WDR27: variants seen among roughly 807,000 people sequenced by gnomAD.
WDR27 encodes WD repeat domain 27.
In WDR27, 100 loss-of-function variants were observed where a neutral mutation model predicts 114.4. That is an observed-to-expected ratio of 0.87 (90% CI 0.74 to 1.03). The LOEUF is 1.03. Among genes scored for constraint, WDR27 ranks in the 50% least tolerant of loss-of-function variants. The probability of loss-of-function intolerance (pLI) is 0.00; values close to 1 mark genes in which losing one functional copy is unlikely to be tolerated. For missense variants in WDR27, 1,129 were observed against 1,092.9 expected, an observed-to-expected ratio of 1.03 and a Z score of -0.47; for synonymous variants, 449 against 423.1, an observed-to-expected ratio of 1.06 and a Z score of -0.75.
chr6:169,428,719 G>A, the WDR27 span, among the ~76,000 whole-genome samples: 1 of 152,182 alleles, frequency 6.6e-6, no homozygotes, highest in African/African-American at 2.4e-5. Context: ...TGTGCGGGGA[G>A]GGCCCGCCCT....
chr6:169,449,718 G>C, the WDR27 span, among the ~76,000 whole-genome samples: 18 of 152,222 alleles, frequency 1.2e-4, no homozygotes, highest in Non-Finnish European at 2.6e-4. Context: ...CCGGCAGGAG[G>C]AGCAAGGTCC....
At chr6:169,690,938 G>A (rs536286603) in intron 1 of WDR27, among the ~76,000 whole-genome samples, 18 of 152,290 alleles carry the variant, frequency 1.2e-4, no homozygotes, top group African/African-American at 2.2e-4. Flanking sequence ...AAAAGAGGCC[G>A]GGCACGGTCG....
At chr6:169,539,192 A>T (rs1584068285) in intron 25 of WDR27, among the ~76,000 whole-genome samples, 1 of 152,134 alleles carries the variant, frequency 6.6e-6, no homozygotes, top group South Asian at 2.1e-4. Flanking sequence ...TGGTCTTCTG[A>T]CAGCCTCACC....
chr6:169,598,679 T>C (rs1807318652), intron 23 of WDR27, among the ~76,000 whole-genome samples: 1 of 152,160 alleles, frequency 6.6e-6, no homozygotes, highest in African/African-American at 2.4e-5. Flanking sequence ...GAGGCCAGCA[T>C]GACGCAGCCA....
At chr6:169,549,238 A>G (rs1238806313) in intron 25 of WDR27, among the ~76,000 whole-genome samples, 1 of 152,256 alleles carries the variant, frequency 6.6e-6, no homozygotes, top group African/African-American at 2.4e-5. Context: ...TGCCTCACCA[A>G]AGAGGGACAT....
chr6:169,510,628 T>C (rs1235895467), intron 25 of WDR27, among the ~76,000 whole-genome samples: 1 of 101,716 alleles, frequency 9.8e-6, no homozygotes, highest in Non-Finnish European at 1.9e-5. Context: ...CTGGGGACTG[T>C]TGTGGGGTGG....
intron 2 of WDR27, among the ~76,000 whole-genome samples, chr6:169,688,454 C>G (rs1292427602): frequency 6.6e-6 from 1 of 151,964 alleles, no homozygotes; most frequent in Non-Finnish European, 1.5e-5. Context: ...ACAACATGCA[C>G]TTATTATGTG....
At chr6:169,613,754 T>C (rs1286517613) in intron 21 of WDR27, 98 bp from the exon 22 acceptor site, 2 of 1,094,646 alleles carry the variant, frequency 1.8e-6, no homozygotes, top group East Asian at 2.6e-5. Flanking sequence ...TCAAGTAAGA[T>C]ATTAACACAA....
intron 2 of WDR27, among the ~76,000 whole-genome samples, chr6:169,686,866 T>C (rs549672836): frequency 6.6e-6 from 1 of 152,184 alleles, no homozygotes; most frequent in Non-Finnish European, 1.5e-5. Context: ...GAGGTCATTA[T>C]GTTAAATGAA....
At chr6:169,516,737 T>C (rs1793696898) in intron 25 of WDR27, among the ~76,000 whole-genome samples, 1 of 144,590 alleles carries the variant, frequency 6.9e-6, no homozygotes, top group Non-Finnish European at 1.5e-5. Flanking sequence ...GAATAAATGA[T>C]GGGTAAGACA....
chr6:169,627,313 C>G (rs1424832976), intron 21 of WDR27, among the ~76,000 whole-genome samples: 1 of 152,184 alleles, frequency 6.6e-6, no homozygotes, highest in Non-Finnish European at 1.5e-5. Context: ...CTTCCTATAT[C>G]TTCGTTCTCC....
At chr6:169,449,673 AAGGAT>A in the WDR27 span, among the ~76,000 whole-genome samples, 2 of 152,198 alleles carry the variant, frequency 1.3e-5, no homozygotes, top group Non-Finnish European at 2.9e-5. Flanking sequence ...TATGAGAAAG[AAGGAT>A]AGGAGAGGGA....
At chr6:169,504,176 CTG>C (rs1489062538) in intron 25 of WDR27, among the ~76,000 whole-genome samples, 1 of 152,140 alleles carries the variant, frequency 6.6e-6, no homozygotes, top group South Asian at 2.1e-4. Context: ...TCACTACAAA[CTG>C]TTTCAATTTC....
chr6:169,701,503 G>C (rs925761684), intron 1 of WDR27, 48 bp downstream of exon 1: 3 of 152,678 alleles, frequency 2.0e-5, no homozygotes, highest in African/African-American at 4.8e-5. Context: ...ATCTTTTAAA[G>C]AGATCTGAGT....
intron 25 of WDR27, among the ~76,000 whole-genome samples, chr6:169,540,716 C>T (rs757573146): frequency 5.9e-5 from 9 of 152,136 alleles, no homozygotes; most frequent in Non-Finnish European, 1.3e-4. Flanking sequence ...AGGCATGAGA[C>T]ACCGCGCCTG....
rs373146234 is a variant in WDR27 at position 169,458,786 on chromosome 6, CAAA to C, written c.2646-1155_2646-1153del. Among the ~76,000 whole-genome samples the C allele has an allele frequency of 1.6e-3, 169 of 104,856 alleles. No homozygotes were observed. The Middle Eastern group carries it at 0.03, about 19-fold the overall frequency. 68.8% of individuals were successfully genotyped at this position (104,856 alleles called of 152,430 possible). A position where few individuals can be genotyped will look rare whatever the true frequency, so the allele number is the denominator to read the frequency against. On this transcript the variant is annotated intron_variant, in intron 25 of 25. Transcript: ENST00000448612. The stretch of plus-strand genomic sequence containing the variant: ...TGGGTGACAGAGCAAGACCCTGTCT[CAAA>C]AAAAAAAAAAAGAAACAAAGGAAAA...
At chr6:169,448,184 G>A in the WDR27 span, among the ~76,000 whole-genome samples, 13 of 152,248 alleles carry the variant, frequency 8.5e-5, no homozygotes, top group East Asian at 9.7e-4. Context: ...GATTACAGGC[G>A]TGAGCCACCG....
chr6:169,673,559 G>A (rs1223474173), intron 2 of WDR27, among the ~76,000 whole-genome samples: 2 of 151,938 alleles, frequency 1.3e-5, no homozygotes, highest in African/African-American at 4.8e-5. Context: ...GAAAAAAACT[G>A]AGGGAAGTGA....
chr6:169,540,708 G>T (rs994327698), intron 25 of WDR27, among the ~76,000 whole-genome samples: 1 of 152,064 alleles, frequency 6.6e-6, no homozygotes, highest in Admixed American at 6.5e-5. Flanking sequence ...GGTATTACAG[G>T]CATGAGACAC....
Sources: allele counts gnomAD v4.1 joint callset (sites outside exome capture counted in the v4.1 genomes callset), GRCh38; gene constraint gnomAD v4.1.1; transcripts MANE v1.5; gene names NCBI Gene and HGNC (gene_info 2026-07-23, HGNC 2026-07-21).